DCDC2: variants seen among roughly 807,000 people sequenced by gnomAD.
DCDC2 encodes the protein doublecortin domain-containing protein 2.
Under a neutral mutation model 50.2 loss-of-function variants are expected in DCDC2, and 40 were observed. The ratio of observed to expected loss-of-function variants is 0.80; its 90% CI spans 0.62 to 1.04. DCDC2 has a LOEUF of 1.04. Ranked by LOEUF, DCDC2 falls within the 50% of genes least tolerant of loss-of-function variation. The probability of loss-of-function intolerance (pLI) is 0.00; values close to 1 mark genes in which losing one functional copy is unlikely to be tolerated. For missense variants in DCDC2, 570 were observed against 581.9 expected (o/e 0.98, Z 0.21); for synonymous variants, 234 against 210.6 (o/e 1.11, Z -0.96).
intron 6 of DCDC2, among the ~76,000 whole-genome samples, chr6:24,286,355 G>T (rs889618114): frequency 9.2e-5 from 14 of 152,156 alleles, no homozygotes; most frequent in African/African-American, 3.4e-4. Flanking sequence ...CACTTTGCGA[G>T]GCCAAGGCAG....
At chr6:24,205,856 T>G (rs1315021745) in intron 7 of DCDC2, among the ~76,000 whole-genome samples, 2 of 152,172 alleles carry the variant, frequency 1.3e-5, no homozygotes, top group East Asian at 3.9e-4. Context: ...CATTTGTCAT[T>G]CTGTCCATCT....
chr6:24,358,900 A>ATATATAT (rs1760554974), upstream of DCDC2, among the ~76,000 whole-genome samples: 2 of 13,414 alleles, frequency 1.5e-4, no homozygotes, highest in Non-Finnish European at 2.1e-4. Flanking sequence ...TATATATATA[A>ATATATAT]TATATTATAT....
the DCDC2 span, among the ~76,000 whole-genome samples, chr6:24,377,928 G>T: frequency 1.3e-5 from 2 of 152,160 alleles, no homozygotes; most frequent in Non-Finnish European, 2.9e-5. Flanking sequence ...GGCGGAGGTT[G>T]CAGTGAGCCG....
chr6:24,302,098 T>C, intron 2 of DCDC2, 54 bp from the exon 3 acceptor site: 15 of 1,502,412 alleles, frequency 1.0e-5, no homozygotes, highest in Non-Finnish European at 1.3e-5. Flanking sequence ...TTAGCTTTTT[T>C]TTTCCTATGA....
At chr6:24,220,042 A>G (rs1305463628) in intron 7 of DCDC2, among the ~76,000 whole-genome samples, 1 of 152,240 alleles carries the variant, frequency 6.6e-6, no homozygotes, top group Non-Finnish European at 1.5e-5. Flanking sequence ...AAATGACAAA[A>G]GAGAAGGAAA....
the DCDC2 span, among the ~76,000 whole-genome samples, chr6:24,365,009 A>G: frequency 6.6e-6 from 1 of 152,006 alleles, no homozygotes; most frequent in Non-Finnish European, 1.5e-5. Context: ...GAGGGCCTTG[A>G]GACTGTTTCT....
chr6:24,281,277 A>G (rs1763462930), intron 6 of DCDC2, among the ~76,000 whole-genome samples: 1 of 152,170 alleles, frequency 6.6e-6, no homozygotes, highest in South Asian at 2.1e-4. Flanking sequence ...TTTGTGAGTA[A>G]AAAGTAAACT....
In DCDC2 at chr6:24,293,775, C is replaced by CAT. The variant is rs528816122; in HGVS notation, c.558-2698_558-2697insAT. ...ACATACCCTAAAATTAACCACAAAA[C>CAT]CAAACATAAAACAATCCTCAGAAAA... On this transcript the variant is annotated intron_variant, in intron 4 of 9. Transcript: ENST00000378454. Among the ~76,000 whole-genome samples the CAT allele has an allele frequency of 6.2e-3, 938 of 152,252 alleles. 4 individuals carry two copies. The highest frequency in any genetic ancestry group is 0.01 in the Non-Finnish European group (691 of 68,028).
intron 7 of DCDC2, among the ~76,000 whole-genome samples, chr6:24,238,186 G>GGA (rs1762495101): frequency 1.4e-5 from 1 of 72,310 alleles, no homozygotes; most frequent in Non-Finnish European, 2.9e-5. Flanking sequence ...GGGAGGGGAG[G>GGA]GGGAGGGGAG....
chr6:24,247,655 T>G (rs1461288017), intron 7 of DCDC2, among the ~76,000 whole-genome samples: 1 of 152,226 alleles, frequency 6.6e-6, no homozygotes, highest in Admixed American at 6.5e-5. Context: ...GGATTGGTTA[T>G]ATATCTTTAT....
At chr6:24,367,130 C>G in the DCDC2 span, among the ~76,000 whole-genome samples, 6 of 152,216 alleles carry the variant, frequency 3.9e-5, no homozygotes, top group African/African-American at 1.4e-4. Context: ...GACACCATGC[C>G]TGGCTAAATG....
At chr6:24,320,168 C>A (rs1759746041) in intron 2 of DCDC2, among the ~76,000 whole-genome samples, 1 of 152,050 alleles carries the variant, frequency 6.6e-6, no homozygotes, top group South Asian at 2.1e-4. Flanking sequence ...AAAAGTAAAC[C>A]AATACATAAA....
intron 8 of DCDC2, among the ~76,000 whole-genome samples, chr6:24,201,333 C>T (rs1469738800): frequency 6.6e-6 from 1 of 152,158 alleles, no homozygotes; most frequent in African/African-American, 2.4e-5. Context: ...CAAATTAGAA[C>T]TCAGAATTAA....
chr6:24,350,896 T>C (rs978856928), intron 2 of DCDC2, among the ~76,000 whole-genome samples: 1 of 152,210 alleles, frequency 6.6e-6, no homozygotes, highest in African/African-American at 2.4e-5. Context: ...AATGCCAGTG[T>C]TCTACCAAGT....
intron 7 of DCDC2, among the ~76,000 whole-genome samples, chr6:24,205,957 C>T (rs1004573925): frequency 1.3e-5 from 2 of 152,110 alleles, no homozygotes; most frequent in African/African-American, 4.8e-5. Flanking sequence ...GGCGATTTTA[C>T]CTCCTTCTCT....
intron 8 of DCDC2, among the ~76,000 whole-genome samples, chr6:24,186,491 G>T (rs1459431130): frequency 6.6e-6 from 1 of 152,134 alleles, no homozygotes; most frequent in Non-Finnish European, 1.5e-5. Flanking sequence ...ATGCGTGCAT[G>T]TGCGCACACA....
At chr6:24,306,916 TA>T (rs1474073141) in intron 2 of DCDC2, among the ~76,000 whole-genome samples, 1 of 152,152 alleles carries the variant, frequency 6.6e-6, no homozygotes, top group Non-Finnish European at 1.5e-5. Flanking sequence ...ATAAAATCAA[TA>T]AAATCAAAAT....
intron 2 of DCDC2, among the ~76,000 whole-genome samples, chr6:24,330,842 C>T (rs947461919): frequency 3.9e-5 from 6 of 152,086 alleles, no homozygotes; most frequent in African/African-American, 1.4e-4. Context: ...TGCGATGAAC[C>T]CTTACGCAGC....
At chr6:24,334,653 A>G (rs572390438) in intron 2 of DCDC2, among the ~76,000 whole-genome samples, 1 of 152,346 alleles carries the variant, frequency 6.6e-6, no homozygotes, top group Non-Finnish European at 1.5e-5. Flanking sequence ...GAAATTGTGG[A>G]GTAGCTTTGG....
Sources: allele counts gnomAD v4.1 joint callset (sites outside exome capture counted in the v4.1 genomes callset), GRCh38; gene constraint gnomAD v4.1.1; transcripts MANE v1.5; gene names NCBI Gene and HGNC (gene_info 2026-07-23, HGNC 2026-07-21).